Variants in MYRIP observed in about 807,000 individuals in gnomAD.
The protein encoded by MYRIP is myosin VIIA and Rab interacting protein, also known as rab effector MyRIP.
A neutral mutation model predicts 98.0 loss-of-function variants in MYRIP; 49 were observed. The ratio of observed to expected loss-of-function variants is 0.50; its 90% CI spans 0.40 to 0.63. The LOEUF (loss-of-function observed/expected upper bound fraction) is 0.63, where lower values mean the gene tolerates loss of function less well. Among genes scored for constraint, MYRIP ranks in the 30% least tolerant of loss-of-function variants. The probability of loss-of-function intolerance (pLI) is 0.00; values close to 1 mark genes in which losing one functional copy is unlikely to be tolerated. For missense variants in MYRIP, 1,004 were observed against 1,058.2 expected, an observed-to-expected ratio of 0.95 and a Z score of 0.71; for synonymous variants, 404 against 409.5, an observed-to-expected ratio of 0.99 and a Z score of 0.16.
At chr3:40,189,501 C>G (rs1477090292) in intron 9 of MYRIP, among the ~76,000 whole-genome samples, 1 of 152,204 alleles carries the variant, frequency 6.6e-6, no homozygotes, top group Non-Finnish European at 1.5e-5. Flanking sequence ...AGCCCTCTCC[C>G]CTCCCCTTCC....
At chr3:40,057,391 A>G (rs547593209) in intron 3 of MYRIP, among the ~76,000 whole-genome samples, 5 of 152,348 alleles carry the variant, frequency 3.3e-5, no homozygotes, top group East Asian at 3.9e-4. Context: ...GTTAAAAAGA[A>G]GAAATGAAAA....
intron 1 of MYRIP, among the ~76,000 whole-genome samples, chr3:39,830,932 T>G (rs1301220529): frequency 6.6e-6 from 1 of 152,200 alleles, no homozygotes; most frequent in Non-Finnish European, 1.5e-5. Context: ...CAGCCCAGTT[T>G]CATCAACTTC....
chr3:39,897,627 A>T (rs371071338), intron 1 of MYRIP, among the ~76,000 whole-genome samples: 2 of 152,256 alleles, frequency 1.3e-5, no homozygotes, highest in East Asian at 3.9e-4. Context: ...TGAGATTGTC[A>T]TACCTATGTG....
At chr3:39,856,408 G>A (rs1258461629) in intron 1 of MYRIP, among the ~76,000 whole-genome samples, 1 of 152,154 alleles carries the variant, frequency 6.6e-6, no homozygotes, top group East Asian at 1.9e-4. Flanking sequence ...TTGCCCAATT[G>A]TGGAACACAG....
At chr3:39,887,666 A>C (rs1159332635) in intron 1 of MYRIP, among the ~76,000 whole-genome samples, 1 of 152,176 alleles carries the variant, frequency 6.6e-6, no homozygotes, top group Non-Finnish European at 1.5e-5. Flanking sequence ...TAGTGTTGAA[A>C]GTTCTGGCCA....
chr3:40,000,751 C>T (rs1270055837), intron 2 of MYRIP, among the ~76,000 whole-genome samples: 1 of 152,138 alleles, frequency 6.6e-6, no homozygotes, highest in Non-Finnish European at 1.5e-5. Context: ...AACCCATCCC[C>T]ATTCGCTGGT....
rs200183044 is a variant in MYRIP at position 40,189,852 on chromosome 3, G to A, written c.1054G>A (p.Asp352Asn). Residue 352 changes from aspartate (D) to asparagine (N), a missense_variant, in exon 10 of 17, where the codon GAC becomes AAC. This residue lies in a region of MYRIP where 880 missense variants were observed against 907.7 expected (regional missense o/e 0.97). Transcript: ENST00000302541. ...TNLAPVLQSP[D>N]GNWVALKDGA... ...CCTGGCCCCAGTTTTGCAGAGCCCC[G>A]ACGGGAACTGGGTGGCCCTGAAGGA... The A allele has an allele frequency of 8.4e-5, 136 of 1,613,212 alleles. No homozygotes were observed. The highest frequency in any genetic ancestry group is 1.5e-4 in the South Asian group (14 of 91,008).
chr3:39,947,905 C>A (rs1294137881), intron 2 of MYRIP, among the ~76,000 whole-genome samples: 1 of 152,166 alleles, frequency 6.6e-6, no homozygotes, highest in South Asian at 2.1e-4. Context: ...TGATTGTCAA[C>A]TTTGGCTCCA....
intron 1 of MYRIP, among the ~76,000 whole-genome samples, chr3:39,882,296 C>G (rs1943174047): frequency 6.6e-6 from 1 of 151,984 alleles, no homozygotes; most frequent in Non-Finnish European, 1.5e-5. Context: ...CAGATTTGAT[C>G]CTCTCCAAAA....
chr3:40,133,301 A>C (rs1223822395), intron 3 of MYRIP, among the ~76,000 whole-genome samples: 2 of 152,268 alleles, frequency 1.3e-5, no homozygotes, highest in African/African-American at 4.8e-5. Context: ...TTAGGTATAC[A>C]GAAAAACCAA....
chr3:40,248,471 T>C (rs1230103832), intron 13 of MYRIP: 1 of 152,186 alleles, frequency 6.6e-6, no homozygotes, highest in Non-Finnish European at 1.5e-5. Flanking sequence ...GACATGCAGT[T>C]CTAGAAGTGG....
intron 2 of MYRIP, among the ~76,000 whole-genome samples, chr3:40,021,250 G>T (rs899586267): frequency 6.6e-6 from 1 of 152,068 alleles, no homozygotes; most frequent in African/African-American, 2.4e-5. Flanking sequence ...ACAGTAATAA[G>T]GGAATTTCCA....
rs62264394 is a variant in MYRIP, at chr3:39,979,550, A to G, written c.111-64500A>G. Among the ~76,000 whole-genome samples the G allele has an allele frequency of 5.2e-3, 791 of 152,042 alleles. 6 individuals are homozygous for G. Among genetic ancestry groups the G allele is most frequent in the Non-Finnish European group, 8.2e-3 (554 of 67,958 alleles). On this transcript the variant is annotated intron_variant, in intron 2 of 16. Coordinates refer to ENST00000302541, the MANE Select transcript of MYRIP (RefSeq NM_015460.4). ...CTACTTGGGAGAATGAGGCAGGAGA[A>G]TCGCTTGCACCTGGGAGGAGGAAGT...
intron 11 of MYRIP, among the ~76,000 whole-genome samples, chr3:40,224,504 T>G (rs1168251353): frequency 2.6e-5 from 4 of 152,116 alleles, no homozygotes; most frequent in Non-Finnish European, 5.9e-5. Context: ...CAGAGTAGGT[T>G]TGGTCAAAGG....
chr3:39,975,517 T>C (rs1455332298), intron 2 of MYRIP, among the ~76,000 whole-genome samples: 3 of 151,936 alleles, frequency 2.0e-5, no homozygotes, highest in Non-Finnish European at 2.9e-5. Context: ...AAGCTACCAA[T>C]GACTTTCTTC....
intron 2 of MYRIP, among the ~76,000 whole-genome samples, chr3:39,978,645 T>C (rs1180765303): frequency 6.6e-6 from 1 of 152,222 alleles, no homozygotes; most frequent in Non-Finnish European, 1.5e-5. Context: ...ATGTGCTGAT[T>C]GGGAACAAGA....
chr3:40,218,598 C>CACACACACACAT (rs143584008), intron 11 of MYRIP, among the ~76,000 whole-genome samples: 420 of 14,114 alleles, frequency 0.03, 18 homozygotes, highest in African/African-American at 0.046. Context: ...CACACACACA[C>CACACACACACAT]ATATATATAT....
intron 1 of MYRIP, among the ~76,000 whole-genome samples, chr3:39,817,718 C>T (rs1940967362): frequency 6.6e-6 from 1 of 152,080 alleles, no homozygotes; most frequent in Admixed American, 6.6e-5. Flanking sequence ...CTGGACTAGT[C>T]ACATTTCAAG....
intron 3 of MYRIP, among the ~76,000 whole-genome samples, chr3:40,117,388 C>T (rs1281291070): frequency 6.6e-6 from 1 of 152,172 alleles, no homozygotes; most frequent in African/African-American, 2.4e-5. Flanking sequence ...ACAACCTCCC[C>T]CCTTTTAAAA....
Sources: allele counts gnomAD v4.1 joint callset (sites outside exome capture counted in the v4.1 genomes callset), GRCh38; gene constraint gnomAD v4.1.1; regional missense constraint gnomAD v4.1.1; transcripts MANE v1.5; gene names NCBI Gene and HGNC (gene_info 2026-07-23, HGNC 2026-07-21).